Variants in CPM observed in about 807,000 individuals in gnomAD.
The protein encoded by CPM is renal carboxypeptidase.
Under a neutral mutation model 46.4 loss-of-function variants are expected in CPM, and 35 were observed. The ratio of observed to expected loss-of-function variants is 0.75; its 90% CI spans 0.58 to 1.00. The LOEUF (loss-of-function observed/expected upper bound fraction) is 1.00, where lower values mean the gene tolerates loss of function less well. Ranked by LOEUF, CPM falls within the 50% of genes least tolerant of loss-of-function variation. The pLI, the probability that CPM is intolerant of heterozygous loss-of-function variation, is 0.00. For synonymous variants in CPM, 195 were observed against 195.3 expected, an observed-to-expected ratio of 1.00 and a Z score of 0.01; for missense variants, 422 against 530.4, an observed-to-expected ratio of 0.80 and a Z score of 2.01.
intron 7 of CPM, among the ~76,000 whole-genome samples, chr12:68,863,991 A>C (rs1320451956): frequency 6.6e-6 from 1 of 152,154 alleles, no homozygotes; most frequent in Non-Finnish European, 1.5e-5. Context: ...TAATAACCAC[A>C]CTGTATTGGT....
At chr12:68,890,362 T>C (rs1475086756) in intron 2 of CPM, among the ~76,000 whole-genome samples, 2 of 147,434 alleles carry the variant, frequency 1.4e-5, no homozygotes, top group Non-Finnish European at 3.0e-5. Flanking sequence ...TCCAGTTTTT[T>C]TAATTTAAAA....
At chr12:68,906,568 C>T (rs932859664) in intron 2 of CPM, among the ~76,000 whole-genome samples, 1 of 152,130 alleles carries the variant, frequency 6.6e-6, no homozygotes, top group African/African-American at 2.4e-5. Flanking sequence ...TGGTTCACCG[C>T]AGCCTCTGCC....
intron 5 of CPM, 99 bp downstream of exon 5, chr12:68,870,116 G>A (rs2136230484): frequency 8.1e-7 from 1 of 1,228,390 alleles, no homozygotes; most frequent in Non-Finnish European, 1.1e-6. Context: ...TGCCAGAGAA[G>A]TTAAGAGGGG....
intron 2 of CPM, chr12:68,914,103 T>A: frequency 1.8e-6 from 1 of 555,480 alleles, no homozygotes; most frequent in Non-Finnish European, 3.4e-6. Context: ...CAGAAAATTA[T>A]AGTCAGTATA....
chr12:68,867,396 G>A (rs1293435093), intron 6 of CPM, among the ~76,000 whole-genome samples: 1 of 152,016 alleles, frequency 6.6e-6, no homozygotes, highest in Non-Finnish European at 1.5e-5. Context: ...CATTTTACAT[G>A]GATATAAGCT....
chr12:68,848,975 T>C (rs1884514316), downstream of CPM: 1 of 151,296 alleles, frequency 6.6e-6, no homozygotes, highest in South Asian at 2.1e-4. Context: ...CCTCCCAAAG[T>C]GTTGGGATTA....
chr12:68,942,891 G>C (rs75284606), intron 1 of CPM, among the ~76,000 whole-genome samples: 1 of 152,136 alleles, frequency 6.6e-6, no homozygotes, highest in African/African-American at 2.4e-5. Context: ...TGACACTCCA[G>C]TATGCCCTAA....
At chr12:68,849,320 C>T (rs1012700098), downstream of CPM, 1 of 151,966 alleles carries the variant, frequency 6.6e-6, no homozygotes, top group African/African-American at 2.4e-5. Flanking sequence ...GAACTCCTGA[C>T]CTCAGGTGAC....
chr12:68,924,126 A>G (rs1405970427), intron 2 of CPM, among the ~76,000 whole-genome samples: 1 of 149,608 alleles, frequency 6.7e-6, no homozygotes, highest in Non-Finnish European at 1.5e-5. Context: ...CCTGGGCTAC[A>G]TAGTGAGACA....
intron 2 of CPM, among the ~76,000 whole-genome samples, chr12:68,929,637 GT>G (rs756822157): frequency 4.6e-5 from 7 of 152,038 alleles, no homozygotes; most frequent in Non-Finnish European, 8.8e-5. Context: ...AAATAAAAAC[GT>G]TTTTAAAAAT....
chr12:68,895,028 CAAA>C (rs35142646), intron 2 of CPM, among the ~76,000 whole-genome samples: 1 of 78,230 alleles, frequency 1.3e-5, no homozygotes. Flanking sequence ...GACTCAGTCT[CAAA>C]AAAAAAAAAA....
intron 5 of CPM, chr12:68,843,711 CTCTCTG>C (rs1036738788): frequency 5.9e-5 from 13 of 221,422 alleles, no homozygotes; most frequent in Middle Eastern, 1.3e-3. Context: ...CTCTCTCTCT[CTCTCTG>C]TCTGTCTCAA....
intron 2 of CPM, among the ~76,000 whole-genome samples, chr12:68,909,317 C>T (rs1009576269): frequency 1.3e-5 from 2 of 152,176 alleles, no homozygotes; most frequent in African/African-American, 4.8e-5. Context: ...CCTCCTAAGT[C>T]TCTGGAACTG....
intron 2 of CPM, among the ~76,000 whole-genome samples, chr12:68,892,581 C>T (rs994720038): frequency 2.6e-5 from 4 of 152,006 alleles, no homozygotes; most frequent in Admixed American, 6.6e-5. Flanking sequence ...GTAGGTAGGC[C>T]GGGCGTGGTG....
At chr12:68,847,600 C>G (rs1884419303), downstream of CPM, 1 of 151,270 alleles carries the variant, frequency 6.6e-6, no homozygotes, top group African/African-American at 2.4e-5. Flanking sequence ...ACTACAGGCG[C>G]CCGCCACCGC....
At chr12:68,909,038 T>C (rs563695337) in intron 2 of CPM, among the ~76,000 whole-genome samples, 3 of 152,328 alleles carry the variant, frequency 2.0e-5, no homozygotes, top group African/African-American at 7.2e-5. Flanking sequence ...AACATGTTCA[T>C]TCTGATTTTC....
At chr12:68,891,752 A>G (rs539061900) in intron 2 of CPM, among the ~76,000 whole-genome samples, 1 of 152,008 alleles carries the variant, frequency 6.6e-6, no homozygotes, top group East Asian at 1.9e-4. Context: ...TTTTTGAGGC[A>G]GAGTCTCGCT....
intron 2 of CPM, among the ~76,000 whole-genome samples, chr12:68,920,721 C>T (rs1359675815): frequency 1.5e-5 from 2 of 137,874 alleles, no homozygotes; most frequent in Non-Finnish European, 1.5e-5. Context: ...TAGACAGAGA[C>T]TCACTGTGGG....
chr12:68,885,664 C>T (rs912216243), intron 3 of CPM, 128 bp downstream of exon 3: 7 of 729,028 alleles, frequency 9.6e-6, no homozygotes, highest in African/African-American at 8.9e-5. Flanking sequence ...CCTCTCTGGG[C>T]CTTGCTTCTT....
Sources: gnomAD v4.1 joint callset for allele counts (sites outside exome capture counted in the v4.1 genomes callset) on GRCh38, gnomAD v4.1.1 for gene constraint, MANE v1.5 for transcripts, NCBI Gene and HGNC (gene_info 2026-07-23, HGNC 2026-07-21) for gene names.